ZNF747: variants seen among roughly 807,000 people sequenced by gnomAD.
ZNF747 encodes the protein KRAB domain-containing protein ZNF747.
ZNF747 carries 14 observed loss-of-function variants against 13.4 expected under a neutral mutation model. The ratio of observed to expected loss-of-function variants is 1.04; its 90% CI spans 0.69 to 1.63. The LOEUF (loss-of-function observed/expected upper bound fraction) is 1.63. ZNF747 is among the 40% of genes most tolerant of loss of function. The pLI is 0.00. For missense variants in ZNF747, 532 were observed against 477.9 expected (o/e 1.11, Z -1.05); for synonymous variants, 212 against 206.5 (o/e 1.03, Z -0.23).
chr16:30,532,826 G>C lies in ZNF747; in HGVS notation c.669C>G (p.Ser223=), dbSNP rs1299078885. 2 of 1,577,570 alleles carry C rather than the reference G, an allele frequency of 1.3e-6. No individual in the cohort carries two copies. The highest frequency in any genetic ancestry group is 2.3e-5 in the South Asian group (2 of 87,280). Residue 223 remains serine, a synonymous_variant, in exon 3 of 3, where the codon TCC becomes TCG. Coordinates refer to ENST00000693075, the MANE Select transcript of ZNF747 (RefSeq NM_001305018.2). ...ADCGKGFGHA[S]SLSKHRAIHR... ...GGATGGCCCGGTGTTTGCTCAGGGA[G>C]GAAGCGTGGCCGAAGCCCTTGCCGC...
intron 2 of ZNF747, among the ~76,000 whole-genome samples, chr16:30,533,853 G>C (rs779353827): frequency 3.9e-5 from 6 of 151,918 alleles, no homozygotes; most frequent in Non-Finnish European, 8.8e-5. Flanking sequence ...CCGATTGCTT[G>C]AGCCCGGGAG....
chr16:30,532,624 C>G lies in ZNF747; in HGVS notation c.871G>C (p.Gly291Arg). The G allele has an allele frequency of 6.5e-7, 1 of 1,544,980 alleles. No homozygotes were observed. Reference protein sequence around the residue: ...MAKHQWVHRPGGEGRRGRRPG... With the variant: ...MAKHQWVHRPRGEGRRGRRPG... Reference sequence around the variant, plus strand: ...CGCCGGCCCCTACGCCCCTCGCCCCCGGGCCGATGGACCCATTGGTGCTTG... The same window carrying G: ...CGCCGGCCCCTACGCCCCTCGCCCCGGGGCCGATGGACCCATTGGTGCTTG... The change falls in exon 3 of 3, where the codon GGG becomes CGG. Residue 291 changes from glycine to arginine, a missense_variant. Transcript: ENST00000693075.
At chr16:30,533,233 TG>T in intron 2 of ZNF747, 82 bp from the exon 3 acceptor site, 1 of 1,573,496 alleles carries the variant, frequency 6.4e-7, no homozygotes, top group Non-Finnish European at 8.7e-7. Context: ...GGGACAGGCC[TG>T]CTGGACCCCC....
At position 30,534,203 on chromosome 16, in the gene ZNF747, C is replaced by T. The variant is rs1483152015; in HGVS notation, c.337G>A (p.Asp113Asn). Residue 113 changes from aspartate to asparagine, a missense_variant, in exon 2 of 3, where the codon GAC becomes AAC. Coordinates refer to ENST00000693075, the MANE Select transcript of ZNF747 (RefSeq NM_001305018.2). ...TGAGCACCCGATACTCCACCTGGGT[C>T]CGCTTCTGTCGGACACTTCGCCACC... Reference protein sequence around the residue: ...PEVAKCPTEADPADSRNKEEE... With the variant: ...PEVAKCPTEANPADSRNKEEE... 2 of 1,610,538 alleles carry T rather than the reference C, an allele frequency of 1.2e-6. No homozygotes were observed. The highest frequency in any genetic ancestry group is 1.3e-5 in the African/African-American group (1 of 74,778).
In ZNF747 at chr16:30,532,809, C is replaced by T. The variant is rs541185339; in HGVS notation, c.686G>A (p.Arg229Gln). The T allele has an allele frequency of 5.7e-6, 9 of 1,569,980 alleles. No homozygotes were observed. In the African/African-American group the frequency reaches 8.1e-5, roughly 14 times the overall value. Residue 229 changes from arginine (R) to glutamine (Q), a missense_variant, in exon 3 of 3, where the codon CGG becomes CAG. Coordinates refer to ENST00000693075, the MANE Select transcript of ZNF747 (RefSeq NM_001305018.2). ...FGHASSLSKH[R>Q]AIHRGERPHR... is the part of the protein sequence containing the mutation. ...GGGCCGCTCCCCACGATGGATGGCC[C>T]GGTGTTTGCTCAGGGAGGAAGCGTG...
rs1382281640 is a variant in ZNF747 at position 30,532,615 on chromosome 16, C to G, written c.880G>C (p.Gly294Arg). ...CCCCCAGGGCGCCGGCCCCTACGCC[C>G]CTCGCCCCCGGGCCGATGGACCCAT... ...HQWVHRPGGEGRRGRRPGGLS... is the reference protein window; with the variant it reads ...HQWVHRPGGERRRGRRPGGLS... The change falls in exon 3 of 3, where the codon GGG becomes CGG. Residue 294 changes from glycine (G) to arginine (R), a missense_variant. By Grantham distance (125) the Gly-to-Arg change is moderately radical. Coordinates refer to ENST00000693075, the MANE Select transcript of ZNF747 (RefSeq NM_001305018.2). 3 of 1,550,724 alleles carry G rather than the reference C, an allele frequency of 1.9e-6. No homozygotes were observed. Among genetic ancestry groups the G allele is most frequent in the Non-Finnish European group, 2.6e-6 (3 of 1,151,738 alleles).
At position 30,532,600 on chromosome 16, in the gene ZNF747, G is replaced by A. The variant is rs1203419358; in HGVS notation, c.895C>T (p.Arg299Cys). The A allele has an allele frequency of 1.3e-6, 2 of 1,560,374 alleles. No individual in the cohort carries two copies. Among genetic ancestry groups the A allele is most frequent in the Non-Finnish European group, 1.7e-6 (2 of 1,156,434 alleles). Residue 299 changes from arginine to cysteine, a missense_variant, in exon 3 of 3, where the codon CGC becomes TGC. Coordinates refer to ENST00000693075, the MANE Select transcript of ZNF747 (RefSeq NM_001305018.2). ...AGGGTCACAGACAGCCCCCCAGGGC[G>A]CCGGCCCCTACGCCCCTCGCCCCCG... is the stretch of plus-strand genomic sequence containing the variant. ...RPGGEGRRGR[R>C]PGGLSVTLTP...
In ZNF747 at chr16:30,532,742, C is replaced by T. The variant is rs1006425219; in HGVS notation, c.753G>A (p.Thr251=). The change falls in exon 3 of 3, where the codon ACG becomes ACA. Residue 251 remains threonine, a synonymous_variant. Transcript: ENST00000693075. ...PECGRAFMRR[T]ALTSHLRVHT... ...GAACGCGCAGGTGAGAAGTCAGCGC[C>T]GTGCGGCGCATGAAGGCCCGACCAC... 10 of 1,542,268 alleles carry T rather than the reference C, an allele frequency of 6.5e-6. No individual in the cohort carries two copies. The highest frequency in any genetic ancestry group is 1.4e-5 in the African/African-American group (1 of 73,100).
chr16:30,534,059 G>A, intron 2 of ZNF747, 138 bp downstream of exon 2: 1 of 1,287,502 alleles, frequency 7.8e-7, no homozygotes, highest in Non-Finnish European at 1.0e-6. Flanking sequence ...GAGCCAGGCA[G>A]GGGCTCAGCC....
rs2051387971 is a variant in ZNF747, at chr16:30,532,440, C to CG, written c.*58dup. Reference sequence around the variant, plus strand: ...CTCCCTGCAGGCCGCTGCAGAGGTTCGGGCCCCTGAGCCCATCTCGGGCCG... The same window carrying CG: ...CTCCCTGCAGGCCGCTGCAGAGGTTCGGGGCCCCTGAGCCCATCTCGGGCCG... On this transcript the variant is annotated 3_prime_UTR_variant, in exon 3 of 3. Transcript: ENST00000693075. The CG allele has an allele frequency of 6.5e-7, 1 of 1,536,052 alleles. No individual in the cohort carries two copies. The highest frequency in any genetic ancestry group is 8.8e-7 in the Non-Finnish European group (1 of 1,139,946).
intron 2 of ZNF747, among the ~76,000 whole-genome samples, chr16:30,533,396 C>A (rs956648031): frequency 6.6e-6 from 1 of 152,140 alleles, no homozygotes; most frequent in African/African-American, 2.4e-5. Context: ...TGGGCCTGAT[C>A]TGGAATAAGA....
chr16:30,534,460 C>T lies in ZNF747; in HGVS notation c.220G>A (p.Gly74Ser), dbSNP rs569678837. The change falls in exon 1 of 3, where the codon GGC becomes AGC. Residue 74 changes from glycine to serine, a missense_variant. Gly to Ser is a moderately conservative substitution (Grantham distance 56, BLOSUM62 0). Transcript: ENST00000693075. Reference protein sequence around the residue: ...DVMRETYGHLGALGVGGSKPA... With the variant: ...DVMRETYGHLSALGVGGSKPA... ...CAGGTGGGGCTCTCACCGAGCGCGCCCAGGTGGCCGTAGGTCTCCCGCATC... is the reference window on the plus strand; with the variant it reads ...CAGGTGGGGCTCTCACCGAGCGCGCTCAGGTGGCCGTAGGTCTCCCGCATC... 8.2e-6 allele frequency: 13 copies of T among 1,592,390 alleles called. 1 individual carries two copies. The East Asian group carries it at 2.1e-4, about 25-fold the overall frequency.
chr16:30,534,354 T>C (rs1325998814), intron 1 of ZNF747, 44 bp from the exon 2 acceptor site: 1 of 1,556,610 alleles, frequency 6.4e-7, no homozygotes, highest in Non-Finnish European at 8.7e-7. Context: ...GGAGGCCGCC[T>C]GCCCGGCCCC....
Position 30,534,625 on chromosome 16 carries a change from G to A in ZNF747, c.55C>T (p.Leu19Phe). 6.3e-7 allele frequency: 1 copy of A among 1,584,234 alleles called. No homozygotes were observed. Among genetic ancestry groups the A allele is most frequent in the Non-Finnish European group, 8.6e-7 (1 of 1,169,174 alleles). The change falls in exon 1 of 3, where the codon CTC becomes TTC. Residue 19 changes from leucine to phenylalanine, a missense_variant. By Grantham distance (22) the Leu-to-Phe change is conservative. Coordinates refer to ENST00000693075, the MANE Select transcript of ZNF747 (RefSeq NM_001305018.2). ...TVPMAPPLAP[L>F]PPRDPNGAGS... ...GCCCCGTTTGGGTCCCGGGGAGGGA[G>A]CGGGGCCAGAGGCGGCGCCATGGGG...
In ZNF747 at chr16:30,531,405, A is replaced by G. The variant is rs570284102; in HGVS notation, c.*1094T>C. ...CTTTAGATCTTCATCACTAATTCTT[A>G]TCACTTAAAAACACTGCCTGGGCCC... On this transcript the variant is annotated 3_prime_UTR_variant, in exon 3 of 3. Transcript: ENST00000693075. The G allele has an allele frequency of 1.2e-4, 19 of 152,336 alleles. No homozygotes were observed. Among genetic ancestry groups the G allele is most frequent in the Admixed American group, 7.2e-4 (11 of 15,302 alleles). The allele number at this position is 152,336 out of a possible 1,614,324, so 9.4% of individuals were successfully genotyped here. A position where few individuals can be genotyped will look rare whatever the true frequency, so the allele number is the denominator to read the frequency against.
Position 30,532,907 on chromosome 16 carries a change from T to TG in ZNF747, c.587dup (p.Leu197ThrfsTer100), listed in dbSNP as rs2151218432. On this transcript the variant is annotated frameshift_variant, in exon 3 of 3. Coordinates refer to ENST00000693075, the MANE Select transcript of ZNF747 (RefSeq NM_001305018.2). LOFTEE classifies it low-confidence loss of function (END_TRUNC). ...TGTGGCTGTAAATGTGCTCCACCAG[T>TG]GTGGAGCGCCAGGCGAAGCTCTTCC... 1 of 1,601,794 alleles carries TG rather than the reference T, an allele frequency of 6.2e-7. No individual in the cohort carries two copies.
At chr16:30,533,641 C>T in intron 2 of ZNF747, among the ~76,000 whole-genome samples, 1 of 151,742 alleles carries the variant, frequency 6.6e-6, no homozygotes, top group Non-Finnish European at 1.5e-5. Context: ...GGTGCAGTGG[C>T]TCATGCCTGT....
At chr16:30,533,240 C>A in intron 2 of ZNF747, 89 bp from the exon 3 acceptor site, 1 of 1,533,856 alleles carries the variant, frequency 6.5e-7, no homozygotes, top group Non-Finnish European at 8.9e-7. Flanking sequence ...GCCTGCTGGA[C>A]CCCCGACTGC....
chr16:30,533,751 TAAAA>T (rs544579318), intron 2 of ZNF747, among the ~76,000 whole-genome samples: 3 of 109,840 alleles, frequency 2.7e-5, no homozygotes, highest in South Asian at 2.7e-4. Context: ...TTTTTTTAAT[TAAAA>T]AAAAAAAAAA....
Sources: gnomAD v4.1 joint callset for allele counts (sites outside exome capture counted in the v4.1 genomes callset) on GRCh38, gnomAD v4.1.1 for gene constraint, MANE v1.5 for transcripts, NCBI Gene and HGNC (gene_info 2026-07-23, HGNC 2026-07-21) for gene names.